The following ITPR3 variants were observed in gnomAD, a reference collection of about 807,000 sequenced individuals.
ITPR3 encodes inositol 1,4,5-trisphosphate-gated calcium channel ITPR3.
Under a neutral mutation model 293.2 loss-of-function variants are expected in ITPR3, and 173 were observed. The observed-to-expected ratio is 0.59, with a 90% CI of 0.52 to 0.67. The LOEUF is 0.67. Ranked by LOEUF, ITPR3 falls within the 30% of genes least tolerant of loss-of-function variation. ITPR3 has a pLI of 0.00. For missense variants in ITPR3, 2,796 were observed against 3,592.1 expected (o/e 0.78, Z 5.66); for synonymous variants, 1,295 against 1,444.4 (o/e 0.90, Z 2.35).
chr6:33,650,269 TG>T (rs1764156243), intron 2 of ITPR3, among the ~76,000 whole-genome samples: 1 of 151,952 alleles, frequency 6.6e-6, no homozygotes, highest in Non-Finnish European at 1.5e-5. Context: ...GCATGGGATG[TG>T]TATGGCGACG....
chr6:33,627,604 T>C (rs1332741947), intron 1 of ITPR3, among the ~76,000 whole-genome samples: 3 of 152,260 alleles, frequency 2.0e-5, no homozygotes, highest in Non-Finnish European at 4.4e-5. Flanking sequence ...TGTCTAGTTA[T>C]AGTTATCCTC....
rs1156615266 is a variant in ITPR3 at position 33,678,459 on chromosome 6, C to T, written c.3687C>T (p.His1229=). 1.2e-6 allele frequency: 2 copies of T among 1,613,794 alleles called. No homozygotes were observed. The highest frequency in any genetic ancestry group is 2.2e-5 in the South Asian group (2 of 91,074). The change falls in exon 29 of 58, where the codon CAC becomes CAT. Residue 1229 remains histidine (H), a synonymous_variant. Transcript: ENST00000605930. ...AKMMEILRYT[H]QFLQKFCAGN... The stretch of plus-strand genomic sequence containing the variant: ...TGATGGAGATCCTGCGCTACACGCA[C>T]CAGTTCCTGCAGAAGTTCTGTGCAG...
Position 33,683,145 on chromosome 6 carries a change from G to T in ITPR3, c.4598-62G>T. The T allele has an allele frequency of 3.1e-6, 4 of 1,295,076 alleles. No homozygotes were observed. The highest frequency in any genetic ancestry group is 3.1e-6 in the Non-Finnish European group (3 of 962,332). The allele number at this position is 1,295,076 out of a possible 1,614,324, so 80.2% of individuals were successfully genotyped here. On this transcript the variant is annotated intron_variant, in intron 34 of 57. Coordinates refer to ENST00000605930, the MANE Select transcript of ITPR3 (RefSeq NM_002224.4). This position sits in a 1 kb window ranked among gnomAD's most constrained non-coding sequence, Gnocchi z 4.5. ...TCCTGGTGTGGCAGCCCTGAGCCTG[G>T]CCTCTGGCTGGCTGAACTGCCCCCG... is the stretch of plus-strand genomic sequence containing the variant.
intron 7 of ITPR3, among the ~76,000 whole-genome samples, chr6:33,660,247 G>C (rs1450604528): frequency 6.6e-6 from 1 of 152,092 alleles, no homozygotes; most frequent in Non-Finnish European, 1.5e-5. Flanking sequence ...AGAGTGTGAG[G>C]CTGTCCAGCT....
Position 33,695,890 on chromosome 6 carries a change from C to A in ITPR3, c.*110C>A. On this transcript the variant is annotated 3_prime_UTR_variant, in exon 58 of 58. Transcript: ENST00000605930. ...GTGGCCCAGCCAGCTGGCCAGCCTCCACTCCCACTCTGCCAGACACCCTGA... is the reference window on the plus strand; with the variant it reads ...GTGGCCCAGCCAGCTGGCCAGCCTCAACTCCCACTCTGCCAGACACCCTGA... 9.9e-7 allele frequency: 1 copy of A among 1,007,912 alleles called. No homozygotes were observed. The highest frequency in any genetic ancestry group is 1.9e-5 in the Admixed American group (1 of 52,012). The allele number at this position is 1,007,912 out of a possible 1,614,324, so 62.4% of individuals were successfully genotyped here.
intron 1 of ITPR3, among the ~76,000 whole-genome samples, chr6:33,630,624 C>T (rs912090270): frequency 6.6e-6 from 1 of 152,180 alleles, no homozygotes; most frequent in Non-Finnish European, 1.5e-5. Context: ...GTCAGACAGC[C>T]CGCCTGACCC....
Position 33,685,567 on chromosome 6 carries a change from G to T in ITPR3, c.5482+34G>T, listed in dbSNP as rs752505716. On this transcript the variant is annotated intron_variant, in intron 40 of 57. Transcript: ENST00000605930. ...TCTGAGGCAGAGGCACGGCGTGACG[G>T]GGATCCCAGGATAAGATGTGCAGGG... is the stretch of plus-strand genomic sequence containing the variant. 3.1e-6 allele frequency: 5 copies of T among 1,602,584 alleles called. No individual in the cohort carries two copies. The East Asian group carries it at 1.1e-4, about 36-fold the overall frequency.
At chr6:33,635,788 C>T (rs1466889932) in intron 1 of ITPR3, among the ~76,000 whole-genome samples, 1 of 150,710 alleles carries the variant, frequency 6.6e-6, no homozygotes, top group African/African-American at 2.4e-5. Context: ...GCCCACTCCC[C>T]TGGGGGATTG....
intron 3 of ITPR3, 98 bp from the exon 4 acceptor site, chr6:33,657,834 T>G: frequency 1.1e-6 from 1 of 903,358 alleles, no homozygotes; most frequent in Non-Finnish European, 1.8e-6. Flanking sequence ...TGTGTGTGTG[T>G]TTGTGTGCAT....
At chr6:33,641,051 G>A (rs1387317700) in intron 2 of ITPR3, among the ~76,000 whole-genome samples, 1 of 152,240 alleles carries the variant, frequency 6.6e-6, no homozygotes, top group African/African-American at 2.4e-5. Context: ...CCTGCAGGAG[G>A]CTCTAATAAC....
Position 33,691,558 on chromosome 6 carries a change from C to A in ITPR3, c.7226-57C>A. 1.4e-6 allele frequency: 2 copies of A among 1,440,992 alleles called. No individual in the cohort carries two copies. The highest frequency in any genetic ancestry group is 1.9e-6 in the Non-Finnish European group (2 of 1,030,712). 89.3% of individuals were successfully genotyped at this position (1,440,992 alleles called of 1,614,324 possible). A position where few individuals can be genotyped will look rare whatever the true frequency, so the allele number is the denominator to read the frequency against. On this transcript the variant is annotated intron_variant, in intron 52 of 57. Transcript: ENST00000605930. The surrounding 1 kb of genome is among the most constrained non-coding windows in gnomAD (Gnocchi z 4.9). ...GGAGGATGTGACACTGGGGACAGAGCCAGGGGATAAGGCCAGGCACTGGAC... is the reference window on the plus strand; with the variant it reads ...GGAGGATGTGACACTGGGGACAGAGACAGGGGATAAGGCCAGGCACTGGAC...
chr6:33,623,128 G>T (rs939034338), intron 1 of ITPR3, among the ~76,000 whole-genome samples: 1 of 152,082 alleles, frequency 6.6e-6, no homozygotes, highest in Non-Finnish European at 1.5e-5. Flanking sequence ...CCCACAGTAG[G>T]TACAGAGTAA....
At chr6:33,628,380 G>A (rs1763596622) in intron 1 of ITPR3, among the ~76,000 whole-genome samples, 1 of 152,174 alleles carries the variant, frequency 6.6e-6, no homozygotes, top group Non-Finnish European at 1.5e-5. Context: ...TGAGCCCCCT[G>A]GGTATGTCAG....
At position 33,670,429 on chromosome 6, in the gene ITPR3, C is replaced by T; in HGVS notation, c.2294C>T (p.Ala765Val). 6.2e-7 allele frequency: 1 copy of T among 1,614,126 alleles called. No homozygotes were observed. The part of the protein sequence containing the change: ...LGVDLIFLCM[A>V]DEMLPFDLRA... Reference sequence around the variant, plus strand: ...GTGGACCTGATTTTCCTGTGCATGGCAGACGAGATGCTGCCCTTTGACCTG... The same window carrying T: ...GTGGACCTGATTTTCCTGTGCATGGTAGACGAGATGCTGCCCTTTGACCTG... The change falls in exon 19 of 58, where the codon GCA becomes GTA. Residue 765 changes from alanine to valine, a missense_variant. This residue lies in a region of ITPR3 where 955 missense variants were observed against 1,180.8 expected (regional missense o/e 0.81). Transcript: ENST00000605930. This position sits in a 1 kb window ranked among gnomAD's most constrained non-coding sequence, Gnocchi z 6.7.
rs1170169901 is a variant in ITPR3 at position 33,633,745 on chromosome 6, CGCGGGG to C, written c.90-6726_90-6721del. On this transcript the variant is annotated intron_variant, in intron 1 of 57. Coordinates refer to ENST00000605930, the MANE Select transcript of ITPR3 (RefSeq NM_002224.4). The surrounding 1 kb of genome is among the most constrained non-coding windows in gnomAD (Gnocchi z 5.2). The stretch of plus-strand genomic sequence containing the variant: ...CGTGGGACGGCGAGTTTCGCTTCGC[CGCGGGG>C]GCGGGGGCGGGGCCGGGGCCGGGGC... 6.8e-4 allele frequency among the ~76,000 whole-genome samples: 91 copies of C among 132,972 alleles called. No homozygotes were observed. Among genetic ancestry groups the C allele is most frequent in the African/African-American group, 2.2e-3 (81 of 37,588 alleles). The allele number at this position is 132,972 out of a possible 152,430, so 87.2% of individuals were successfully genotyped here.
chr6:33,632,353 G>A lies in ITPR3; in HGVS notation c.90-8131G>A, dbSNP rs1241595540. On this transcript the variant is annotated intron_variant, in intron 1 of 57. Transcript: ENST00000605930. The surrounding 1 kb of genome is among the most constrained non-coding windows in gnomAD (Gnocchi z 4.1). ...GGCCAAGGTGGTAGGTTTTGAGTCA[G>A]GCTCCTTGATAGTCACCTGCCCCAC... 6.6e-6 allele frequency among the ~76,000 whole-genome samples: 1 copy of A among 152,128 alleles called. No individual in the cohort carries two copies. Among genetic ancestry groups the A allele is most frequent in the African/African-American group, 2.4e-5 (1 of 41,426 alleles).
chr6:33,664,047 C>T lies in ITPR3; in HGVS notation c.1148+167C>T, dbSNP rs549182490. 8.5e-4 allele frequency among the ~76,000 whole-genome samples: 129 copies of T among 152,210 alleles called. 1 individual carries two copies. Among genetic ancestry groups the T allele is most frequent in the African/African-American group, 2.6e-3 (107 of 41,518 alleles). ...GGGGATCTAGCTCTGAGTCTGTCGG[C>T]GGCTGACCACCATTGCATGCCTGCC... On this transcript the variant is annotated intron_variant, in intron 11 of 57. Coordinates refer to ENST00000605930, the MANE Select transcript of ITPR3 (RefSeq NM_002224.4). The surrounding 1 kb of genome is among the most constrained non-coding windows in gnomAD (Gnocchi z 4.4).
Position 33,675,814 on chromosome 6 carries a change from G to T in ITPR3, c.3240G>T (p.Lys1080Asn). 1.9e-6 allele frequency: 3 copies of T among 1,597,016 alleles called. No homozygotes were observed. Among genetic ancestry groups the T allele is most frequent in the Non-Finnish European group, 2.6e-6 (3 of 1,172,164 alleles). Residue 1080 changes from lysine to asparagine, a missense_variant, in exon 25 of 58, where the codon AAG becomes AAT. Transcript: ENST00000605930. The surrounding 1 kb of genome is among the most constrained non-coding windows in gnomAD (Gnocchi z 5.0). ...LVSGALQLLF[K>N]HFSQRQEAMH... The stretch of plus-strand genomic sequence containing the variant: ...CGGGTGCCCTGCAGCTGCTCTTCAA[G>T]CACTTCAGCCAGCGCCAGGAGGCCA...
chr6:33,652,906 A>AT (rs1308683036), intron 2 of ITPR3, among the ~76,000 whole-genome samples: 44 of 151,870 alleles, frequency 2.9e-4, no homozygotes, highest in South Asian at 6.3e-4. Flanking sequence ...TAACTTTAAA[A>AT]ATATATATAT....
Sources: allele counts gnomAD v4.1 joint callset (sites outside exome capture counted in the v4.1 genomes callset), GRCh38; gene constraint gnomAD v4.1.1; regional missense constraint gnomAD v4.1.1; non-coding constraint Gnocchi (gnomAD v3.1); transcripts MANE v1.5; gene names NCBI Gene and HGNC (gene_info 2026-07-23, HGNC 2026-07-21).